Variants in FMO1 observed in about 807,000 individuals in gnomAD.
FMO1 encodes the protein flavin-containing monooxygenase 1.
In FMO1, 36 loss-of-function variants were observed where a neutral mutation model predicts 45.4. That is an observed-to-expected ratio of 0.79 (90% CI 0.61 to 1.05). The LOEUF is 1.05. Among genes scored for constraint, FMO1 ranks in the 50% least tolerant of loss-of-function variants. FMO1 has a pLI of 0.00. For synonymous variants in FMO1, 228 were observed against 227.2 expected, an observed-to-expected ratio of 1.00 and a Z score of -0.03; for missense variants, 615 against 640.3, an observed-to-expected ratio of 0.96 and a Z score of 0.43.
chr1:171,284,873 T>G (rs946106314), intron 8 of FMO1, among the ~76,000 whole-genome samples: 1 of 152,140 alleles, frequency 6.6e-6, no homozygotes, highest in Non-Finnish European at 1.5e-5. Flanking sequence ...GGATTTGTTA[T>G]TACTGAATAA....
At chr1:171,266,143 CATG>C (rs1660609760) in intron 2 of FMO1, among the ~76,000 whole-genome samples, 1 of 152,162 alleles carries the variant, frequency 6.6e-6, no homozygotes, top group Non-Finnish European at 1.5e-5. Context: ...AAACATCGCA[CATG>C]ATAATACAGT....
At chr1:171,256,300 GC>G (rs1390097361) in intron 1 of FMO1, among the ~76,000 whole-genome samples, 2 of 146,840 alleles carry the variant, frequency 1.4e-5, no homozygotes, top group Non-Finnish European at 1.5e-5. Flanking sequence ...AAAAAGAGTA[GC>G]ATTCTATCCC....
chr1:171,261,329 A>ACACACACACACACACT (rs927874796), intron 2 of FMO1, among the ~76,000 whole-genome samples: 11 of 151,976 alleles, frequency 7.2e-5, no homozygotes, highest in African/African-American at 2.2e-4. Flanking sequence ...AGGCACACAC[A>ACACACACACACACACT]CACACACACA....
At chr1:171,272,924 A>G (rs1382550720) in intron 3 of FMO1, among the ~76,000 whole-genome samples, 2 of 152,112 alleles carry the variant, frequency 1.3e-5, no homozygotes, top group Admixed American at 6.5e-5. Flanking sequence ...GGGAAGGCAT[A>G]ATTGCTTTTG....
intron 3 of FMO1, among the ~76,000 whole-genome samples, chr1:171,274,976 T>C (rs189763250): frequency 1.3e-5 from 2 of 152,368 alleles, no homozygotes; most frequent in Admixed American, 1.3e-4. Context: ...CTTACCCATG[T>C]ATCTGTCAAA....
chr1:171,267,870 CCTATA>C, intron 3 of FMO1, 139 bp downstream of exon 3: 1 of 597,964 alleles, frequency 1.7e-6, no homozygotes, highest in South Asian at 2.3e-5. Context: ...TTATTTTCTC[CCTATA>C]CTCACTCCCC....
chr1:171,278,280 C>G (rs1464665687), intron 4 of FMO1, among the ~76,000 whole-genome samples: 1 of 152,156 alleles, frequency 6.6e-6, no homozygotes, highest in Non-Finnish European at 1.5e-5. Flanking sequence ...TAGCACAGTA[C>G]CAGGCACAAA....
At chr1:171,256,131 G>C (rs1056172785) in intron 1 of FMO1, among the ~76,000 whole-genome samples, 3 of 151,950 alleles carry the variant, frequency 2.0e-5, no homozygotes, top group African/African-American at 7.3e-5. Flanking sequence ...AAATTAGCCA[G>C]GCATGGTGGC....
chr1:171,252,785 T>A (rs1316548260), intron 1 of FMO1, among the ~76,000 whole-genome samples: 4 of 152,182 alleles, frequency 2.6e-5, no homozygotes, highest in African/African-American at 9.7e-5. Context: ...TCCGTTCCTC[T>A]CACTGTGGCT....
chr1:171,283,748 A>C (rs1377834277), intron 8 of FMO1, among the ~76,000 whole-genome samples: 1 of 152,212 alleles, frequency 6.6e-6, no homozygotes, highest in Admixed American at 6.5e-5. Flanking sequence ...AAATCATATG[A>C]AATGGAAACC....
chr1:171,254,389 C>T (rs764624363), intron 1 of FMO1, among the ~76,000 whole-genome samples: 3 of 151,984 alleles, frequency 2.0e-5, no homozygotes, highest in East Asian at 1.9e-4. Context: ...CACCCCGGCC[C>T]GAGTTAATTT....
chr1:171,262,177 G>A (rs946389188), intron 2 of FMO1, among the ~76,000 whole-genome samples: 1 of 152,234 alleles, frequency 6.6e-6, no homozygotes, highest in African/African-American at 2.4e-5. Flanking sequence ...GCTCACGCCT[G>A]TAATCCCAGC....
chr1:171,251,585 G>A, intron 1 of FMO1: 1 of 150,966 alleles, frequency 6.6e-6, no homozygotes, highest in Non-Finnish European at 1.5e-5. Context: ...TCCTCACACA[G>A]CGCCTCACAT....
At chr1:171,280,522 T>C (rs1023029313) in intron 5 of FMO1, among the ~76,000 whole-genome samples, 8 of 152,214 alleles carry the variant, frequency 5.3e-5, no homozygotes, top group Admixed American at 4.6e-4. Flanking sequence ...TAGGTCCCTA[T>C]GGTTTACTAA....
intron 2 of FMO1, among the ~76,000 whole-genome samples, chr1:171,261,483 A>G (rs753392497): frequency 3.3e-5 from 5 of 152,256 alleles, no homozygotes; most frequent in Non-Finnish European, 7.3e-5. Flanking sequence ...GGAAGGGACC[A>G]TAATGCAAAA....
At chr1:171,271,419 T>C in intron 3 of FMO1, 1 of 1,057,726 alleles carries the variant, frequency 9.5e-7, no homozygotes, top group Non-Finnish European at 1.5e-6. Context: ...AAATTGTCCT[T>C]TCTCTTTAGC....
chr1:171,264,323 T>C (rs1660510279), intron 2 of FMO1, among the ~76,000 whole-genome samples: 1 of 148,896 alleles, frequency 6.7e-6, no homozygotes, highest in African/African-American at 2.5e-5. Context: ...TTTGTGTGTG[T>C]GTATATATAT....
chr1:171,274,635 C>T (rs1447728204), intron 3 of FMO1, among the ~76,000 whole-genome samples: 1 of 152,052 alleles, frequency 6.6e-6, no homozygotes, highest in Non-Finnish European at 1.5e-5. Flanking sequence ...TTAAGAGGGA[C>T]TTAAGAAGCC....
chr1:171,254,891 A>G (rs1341057921), intron 1 of FMO1, among the ~76,000 whole-genome samples: 2 of 152,344 alleles, frequency 1.3e-5, no homozygotes, highest in East Asian at 3.9e-4. Context: ...TGTACATAAG[A>G]CATACTTCTG....
Sources: gnomAD v4.1 joint callset for allele counts (sites outside exome capture counted in the v4.1 genomes callset) on GRCh38, gnomAD v4.1.1 for gene constraint, MANE v1.5 for transcripts, NCBI Gene and HGNC (gene_info 2026-07-23, HGNC 2026-07-21) for gene names.